Variants in LRBA observed in about 807,000 individuals in gnomAD.
LRBA encodes the protein LPS responsive beige-like anchor protein.
A neutral mutation model predicts 330.0 loss-of-function variants in LRBA; 176 were observed. That is an observed-to-expected ratio of 0.53 (90% CI 0.47 to 0.60). The LOEUF (loss-of-function observed/expected upper bound fraction) is 0.60. Ranked by LOEUF, LRBA falls within the 20% of genes least tolerant of loss-of-function variation. The probability of loss-of-function intolerance (pLI) is 0.00; values close to 1 mark genes in which losing one functional copy is unlikely to be tolerated. For synonymous variants in LRBA, 1,230 were observed against 1,193.0 expected, an observed-to-expected ratio of 1.03 and a Z score of -0.64; for missense variants, 3,259 against 3,444.8, an observed-to-expected ratio of 0.95 and a Z score of 1.35.
At chr4:150,880,374 T>G (rs1728226656) in intron 17 of LRBA, among the ~76,000 whole-genome samples, 1 of 151,930 alleles carries the variant, frequency 6.6e-6, no homozygotes, top group Non-Finnish European at 1.5e-5. Context: ...GCAAAAATCA[T>G]CTGGGCATGG....
intron 2 of LRBA, among the ~76,000 whole-genome samples, chr4:150,972,463 T>C (rs971557396): frequency 1.3e-5 from 2 of 152,172 alleles, no homozygotes; most frequent in African/African-American, 4.8e-5. Flanking sequence ...AAATCAACTC[T>C]TTCTCATAGT....
chr4:150,338,442 A>G (rs925361584), intron 48 of LRBA, among the ~76,000 whole-genome samples: 4 of 152,236 alleles, frequency 2.6e-5, no homozygotes, highest in Non-Finnish European at 4.4e-5. Context: ...GAAAAAGCAC[A>G]GATAATATTG....
intron 9 of LRBA, among the ~76,000 whole-genome samples, chr4:150,909,933 T>G (rs1731796016): frequency 6.6e-6 from 1 of 152,330 alleles, no homozygotes; most frequent in Non-Finnish European, 1.5e-5. Context: ...TCTTTTCATA[T>G]GTTCATTGGC....
At chr4:150,825,375 G>A (rs950928837) in intron 30 of LRBA, among the ~76,000 whole-genome samples, 1 of 151,732 alleles carries the variant, frequency 6.6e-6, no homozygotes, top group African/African-American at 2.4e-5. Flanking sequence ...TCTTTTTATG[G>A]GGCAGGGGGG....
intron 40 of LRBA, among the ~76,000 whole-genome samples, chr4:150,511,188 G>A (rs1187116870): frequency 6.6e-6 from 1 of 152,020 alleles, no homozygotes; most frequent in South Asian, 2.1e-4. Context: ...ATCCAAAAAC[G>A]AACTCACTAC....
In LRBA at chr4:150,436,779, T is replaced by A; in HGVS notation, c.6866A>T (p.His2289Leu). ...SWEDDQVPKF[H>L]YGTHYSTASF... is the part of the protein sequence containing the mutation. Reference sequence around the variant, plus strand: ...TGCAGTTGAGTAATGAGTACCATAGTGAAACTTTGGAACTTGATCATCTTC... The same window carrying A: ...TGCAGTTGAGTAATGAGTACCATAGAGAAACTTTGGAACTTGATCATCTTC... The change falls in exon 45 of 57, where the codon CAC (histidine) becomes CTC (leucine). Residue 2289 changes from histidine to leucine, a missense_variant. By Grantham distance (99) the His-to-Leu change is moderately conservative. Transcript: ENST00000651943. The A allele has an allele frequency of 6.2e-7, 1 of 1,613,576 alleles. No individual in the cohort carries two copies. The highest frequency in any genetic ancestry group is 8.5e-7 in the Non-Finnish European group (1 of 1,179,682).
chr4:150,368,205 T>C (rs1739759778), intron 47 of LRBA, among the ~76,000 whole-genome samples: 1 of 152,128 alleles, frequency 6.6e-6, no homozygotes, highest in Non-Finnish European at 1.5e-5. Context: ...ATACCCCCAA[T>C]TCACAGTTTA....
At chr4:150,821,576 A>G (rs1745446774) in intron 30 of LRBA, among the ~76,000 whole-genome samples, 1 of 152,192 alleles carries the variant, frequency 6.6e-6, no homozygotes, top group Admixed American at 6.6e-5. Context: ...CTTCCCGATC[A>G]ATAAAGTTGA....
At chr4:150,954,636 G>A (rs1208568583) in intron 2 of LRBA, among the ~76,000 whole-genome samples, 23 of 150,220 alleles carry the variant, frequency 1.5e-4, no homozygotes, top group Non-Finnish European at 3.2e-4. Flanking sequence ...TGCAGAAGGC[G>A]GCAGGGCCCT....
At chr4:151,013,583 C>T (rs1486337106) in intron 2 of LRBA, 1 of 152,212 alleles carries the variant, frequency 6.6e-6, no homozygotes, top group East Asian at 1.9e-4. Flanking sequence ...AATTTAAGCC[C>T]TATACAGTGA....
chr4:150,670,864 T>C (rs1478206630), intron 37 of LRBA, among the ~76,000 whole-genome samples: 10 of 152,202 alleles, frequency 6.6e-5, no homozygotes. Flanking sequence ...AAAATATATT[T>C]ACTTATTTGC....
intron 4 of LRBA, among the ~76,000 whole-genome samples, chr4:150,922,369 TCAA>T (rs1290893979): frequency 1.4e-5 from 2 of 144,390 alleles, no homozygotes; most frequent in Admixed American, 7.1e-5. Flanking sequence ...TGCCCATCAA[TCAA>T]CGAGTGGATA....
Position 150,828,565 on chromosome 4 carries a change from T to C in LRBA, c.4786A>G (p.Ser1596Gly). ...TCCCTCCTTCGAGCAGATGATGTGC[T>C]TTCAGATTCTTCCACTGATGCCGTA... Reference protein sequence around the residue: ...LTTASVEESESTSSARRRDSG... With the variant: ...LTTASVEESEGTSSARRRDSG... Residue 1596 changes from serine (S) to glycine (G), a missense_variant, in exon 30 of 57, where the codon AGC (serine) becomes GGC (glycine). Coordinates refer to ENST00000651943, the MANE Select transcript of LRBA (RefSeq NM_001364905.1). The C allele has an allele frequency of 6.2e-7, 1 of 1,614,116 alleles. No individual in the cohort carries two copies. The highest frequency in any genetic ancestry group is 1.1e-5 in the South Asian group (1 of 91,084).
rs903444711 is a variant in LRBA, at chr4:150,697,033, G to GA, written c.5755-13317dup. On this transcript the variant is annotated intron_variant, in intron 36 of 56. Coordinates refer to ENST00000651943, the MANE Select transcript of LRBA (RefSeq NM_001364905.1). ...GCCTCAAAAAAGTAAAAAGAAAAAA[G>GA]AAAAAAAAAAAGGCCGGGCGCAGTG... Among the ~76,000 whole-genome samples, 769 of 130,706 alleles carry GA rather than the reference G, an allele frequency of 5.9e-3. 3 individuals are homozygous for GA. The highest frequency in any genetic ancestry group is 0.019 in the African/African-American group (681 of 35,820). 85.7% of individuals were successfully genotyped at this position (130,706 alleles called of 152,430 possible). A position where few individuals can be genotyped will look rare whatever the true frequency, so the allele number is the denominator to read the frequency against.
chr4:150,547,722 A>G (rs1243990990), intron 40 of LRBA, among the ~76,000 whole-genome samples: 1 of 152,158 alleles, frequency 6.6e-6, no homozygotes, highest in Non-Finnish European at 1.5e-5. Context: ...AGAGACTTAA[A>G]GGAGAAAGGT....
intron 46 of LRBA, among the ~76,000 whole-genome samples, chr4:150,426,422 T>C (rs1167318119): frequency 6.6e-6 from 1 of 151,984 alleles, no homozygotes; most frequent in East Asian, 1.9e-4. Flanking sequence ...TCTGATATAG[T>C]AGAAAAAATA....
At chr4:150,364,945 AATGTATATCATAAAT>A (rs1244345348) in intron 47 of LRBA, among the ~76,000 whole-genome samples, 1 of 151,688 alleles carries the variant, frequency 6.6e-6, no homozygotes, top group Non-Finnish European at 1.5e-5. Context: ...ATATCATAAA[AATGTATATCATAAAT>A]ATATATCATA....
At chr4:150,572,304 T>A (rs1030432446) in intron 40 of LRBA, among the ~76,000 whole-genome samples, 1 of 152,140 alleles carries the variant, frequency 6.6e-6, no homozygotes, top group Non-Finnish European at 1.5e-5. Flanking sequence ...TTTCTTTTTT[T>A]CTATTTAAAA....
intron 47 of LRBA, among the ~76,000 whole-genome samples, chr4:150,395,272 G>T (rs532898203): frequency 7.2e-5 from 11 of 152,076 alleles, no homozygotes; most frequent in African/African-American, 9.6e-5. Flanking sequence ...CTTCCTCAAA[G>T]AACTTATCTT....
Sources: gnomAD v4.1 joint callset for allele counts (sites outside exome capture counted in the v4.1 genomes callset) on GRCh38, gnomAD v4.1.1 for gene constraint, MANE v1.5 for transcripts, NCBI Gene and HGNC (gene_info 2026-07-23, HGNC 2026-07-21) for gene names.